Variants in CHRM3 observed in about 807,000 individuals in gnomAD.
The protein encoded by CHRM3 is muscarinic acetylcholine receptor M3.
In CHRM3, 11 loss-of-function variants were observed where a neutral mutation model predicts 41.8. That is an observed-to-expected ratio of 0.26 (90% confidence interval 0.17 to 0.44). The LOEUF (loss-of-function observed/expected upper bound fraction) is 0.44. CHRM3 is among the 20% of genes least tolerant of loss of function. The probability of loss-of-function intolerance (pLI) is 1.00; values close to 1 mark genes in which losing one functional copy is unlikely to be tolerated. For missense variants in CHRM3, 571 were observed against 745.4 expected, an observed-to-expected ratio of 0.77 and a Z score of 2.72; for synonymous variants, 297 against 301.4, an observed-to-expected ratio of 0.99 and a Z score of 0.15.
chr1:239,688,449 T>C (rs1659367531), intron 5 of CHRM3, among the ~76,000 whole-genome samples: 1 of 142,930 alleles, frequency 7.0e-6, no homozygotes, highest in African/African-American at 2.5e-5. Flanking sequence ...ATCATATTTA[T>C]AAATATATTA....
intron 6 of CHRM3, among the ~76,000 whole-genome samples, chr1:239,882,557 A>G (rs1677732887): frequency 6.6e-6 from 1 of 152,206 alleles, no homozygotes. Context: ...TAACAGAGAG[A>G]TGCAGGAAGT....
intron 2 of CHRM3, among the ~76,000 whole-genome samples, chr1:239,512,516 G>A (rs987387005): frequency 6.6e-6 from 1 of 152,234 alleles, no homozygotes; most frequent in Middle Eastern, 3.4e-3. Context: ...GAACTTCAGT[G>A]TTGTTAGGAG....
chr1:239,879,464 A>G (rs1003838971), intron 6 of CHRM3, among the ~76,000 whole-genome samples: 6 of 152,210 alleles, frequency 3.9e-5, no homozygotes, highest in Non-Finnish European at 1.5e-5. Context: ...TCAGAAGCCA[A>G]CTTTGCCTTG....
At chr1:239,416,366 A>C (rs547453915) in intron 1 of CHRM3, among the ~76,000 whole-genome samples, 6 of 152,222 alleles carry the variant, frequency 3.9e-5, no homozygotes, top group East Asian at 1.9e-4. Flanking sequence ...CAGAACAATA[A>C]TACTACTCTC....
At chr1:239,856,340 C>A (rs899108824) in intron 6 of CHRM3, among the ~76,000 whole-genome samples, 2 of 152,068 alleles carry the variant, frequency 1.3e-5, no homozygotes, top group Non-Finnish European at 2.9e-5. Flanking sequence ...GGGGTGGTTT[C>A]TAATGGTTTA....
intron 5 of CHRM3, among the ~76,000 whole-genome samples, chr1:239,695,497 A>G (rs1660100563): frequency 6.6e-6 from 1 of 152,144 alleles, no homozygotes; most frequent in Non-Finnish European, 1.5e-5. Context: ...CTTTCACAAG[A>G]AATCTGGGAG....
At chr1:239,810,442 T>C (rs1002726005) in intron 5 of CHRM3, among the ~76,000 whole-genome samples, 5 of 151,842 alleles carry the variant, frequency 3.3e-5, no homozygotes, top group Non-Finnish European at 7.4e-5. Flanking sequence ...GCAAGGGGAG[T>C]GTTACTTCCT....
intron 6 of CHRM3, among the ~76,000 whole-genome samples, chr1:239,878,315 T>C (rs537206481): frequency 4.7e-4 from 71 of 152,252 alleles, no homozygotes; most frequent in African/African-American, 1.6e-3. Context: ...ATTAGATTCT[T>C]ATAAGGAGCA....
At chr1:239,676,781 GATA>G (rs1379670102) in intron 4 of CHRM3, among the ~76,000 whole-genome samples, 1 of 152,188 alleles carries the variant, frequency 6.6e-6, no homozygotes, top group Admixed American at 6.5e-5. Context: ...ACCAGAATGA[GATA>G]ATGTGTGCAA....
intron 3 of CHRM3, among the ~76,000 whole-genome samples, chr1:239,562,824 G>A (rs150046125): frequency 0.03 from 4,478 of 149,644 alleles, 245 homozygotes; most frequent in African/African-American, 0.1. Flanking sequence ...GAAGGTGGAG[G>A]TTACAGTGAG....
At chr1:239,743,788 CTTTTTTTTT>C (rs10718514) in intron 5 of CHRM3, among the ~76,000 whole-genome samples, 3 of 81,202 alleles carry the variant, frequency 3.7e-5, no homozygotes, top group East Asian at 6.7e-4. Flanking sequence ...TTTTTTTTTT[CTTTTTTTTT>C]TTTTTTTTTT....
At chr1:239,814,633 G>A (rs1251650209) in intron 5 of CHRM3, among the ~76,000 whole-genome samples, 1 of 152,100 alleles carries the variant, frequency 6.6e-6, no homozygotes, top group Non-Finnish European at 1.5e-5. Context: ...TAGTGACTAT[G>A]CACTAGTGAG....
chr1:239,393,599 G>T (rs1031205654), intron 1 of CHRM3, among the ~76,000 whole-genome samples: 3 of 152,076 alleles, frequency 2.0e-5, no homozygotes, highest in Non-Finnish European at 4.4e-5. Flanking sequence ...ATCATGCAAG[G>T]ACCAGCCAAA....
At chr1:239,471,663 T>C (rs1021751630) in intron 1 of CHRM3, among the ~76,000 whole-genome samples, 5 of 152,282 alleles carry the variant, frequency 3.3e-5, no homozygotes, top group Non-Finnish European at 7.4e-5. Context: ...TGAGGAGGTC[T>C]CAGCAGAGCC....
intron 5 of CHRM3, among the ~76,000 whole-genome samples, chr1:239,785,103 AC>A (rs1172855141): frequency 6.6e-6 from 1 of 152,114 alleles, no homozygotes; most frequent in Non-Finnish European, 1.5e-5. Context: ...CAGCTTTGCA[AC>A]CTCTCAGCAA....
At chr1:239,752,249 TCGTC>T (rs1665890756) in intron 5 of CHRM3, among the ~76,000 whole-genome samples, 2 of 152,270 alleles carry the variant, frequency 1.3e-5, no homozygotes, top group East Asian at 3.9e-4. Flanking sequence ...AGGGAAAACA[TCGTC>T]AGAGAGCTAT....
At chr1:239,701,716 T>C (rs1025442429) in intron 5 of CHRM3, among the ~76,000 whole-genome samples, 4 of 152,168 alleles carry the variant, frequency 2.6e-5, no homozygotes, top group Admixed American at 2.6e-4. Context: ...TCCCTCTGTG[T>C]AGAGTGCATG....
chr1:239,853,154 C>A (rs1558180453), intron 6 of CHRM3, among the ~76,000 whole-genome samples: 1 of 151,744 alleles, frequency 6.6e-6, no homozygotes, highest in Non-Finnish European at 1.5e-5. Context: ...ATTAACCTCT[C>A]AATAAAGTGT....
At chr1:239,547,581 A>T (rs1350406237) in intron 3 of CHRM3, among the ~76,000 whole-genome samples, 1 of 152,226 alleles carries the variant, frequency 6.6e-6, no homozygotes, top group African/African-American at 2.4e-5. Context: ...ATTATGATAT[A>T]GTCCATACTG....
Sources: gnomAD v4.1 joint callset for allele counts (sites outside exome capture counted in the v4.1 genomes callset) on GRCh38, gnomAD v4.1.1 for gene constraint, MANE v1.5 for transcripts, NCBI Gene and HGNC (gene_info 2026-07-23, HGNC 2026-07-21) for gene names.